APOOL: variants seen among roughly 807,000 people sequenced by gnomAD.
APOOL encodes MICOS complex subunit MIC27.
APOOL carries 12 observed loss-of-function variants against 23.1 expected under a neutral mutation model. The ratio of observed to expected loss-of-function variants is 0.52; its 90% CI spans 0.33 to 0.84. APOOL has a LOEUF of 0.84. Ranked by LOEUF, APOOL falls within the 40% of genes least tolerant of loss-of-function variation. The probability of loss-of-function intolerance (pLI) is 0.02; values close to 1 mark genes in which losing one functional copy is unlikely to be tolerated. For missense variants in APOOL, 212 were observed against 199.6 expected (o/e 1.06, Z -0.37); for synonymous variants, 77 against 69.9 (o/e 1.10, Z -0.51).
At chrX:85,079,555 T>C (rs1437181847) in intron 8 of APOOL, among the ~76,000 whole-genome samples, 1 of 111,642 alleles carries the variant, frequency 9.0e-6, no homozygotes, top group Non-Finnish European at 1.9e-5. Flanking sequence ...AATTCTCTTT[T>C]TTTGTTGTGT....
intron 3 of APOOL, among the ~76,000 whole-genome samples, 164 bp downstream of exon 3, chrX:85,051,672 C>T (rs777269038): frequency 5.3e-5 from 6 of 112,210 alleles, no homozygotes; most frequent in Admixed American, 9.5e-5. Flanking sequence ...TGAGTTCAGA[C>T]AGGTGATTTG....
At chrX:85,069,313 T>C (rs776431602) in intron 6 of APOOL, among the ~76,000 whole-genome samples, 1 of 111,194 alleles carries the variant, frequency 9.0e-6, no homozygotes, top group South Asian at 3.8e-4. Flanking sequence ...GACCAGTAGT[T>C]AACAATTAAT....
chrX:85,051,748 A>G (rs1208965089), intron 3 of APOOL, among the ~76,000 whole-genome samples: 2 of 111,999 alleles, frequency 1.8e-5, no homozygotes, highest in African/African-American at 3.2e-5. Flanking sequence ...GCTGATCTAG[A>G]CAGTCCAAGA....
chrX:85,043,090 G>A lies in APOOL; in HGVS notation c.16-3356G>A, dbSNP rs777440642. 1.2e-4 allele frequency among the ~76,000 whole-genome samples: 13 copies of A among 111,223 alleles called. No individual in the cohort carries two copies. The East Asian group carries it at 3.7e-3, about 31-fold the overall frequency. Reference sequence around the variant, plus strand: ...GAGTCTTACGGGTAAGTTACCTCATGCTCATATTTTAGCCCTGCTGTTTGT... The same window carrying A: ...GAGTCTTACGGGTAAGTTACCTCATACTCATATTTTAGCCCTGCTGTTTGT... On this transcript the variant is annotated intron_variant, in intron 1 of 8. Transcript: ENST00000373173.
intron 1 of APOOL, among the ~76,000 whole-genome samples, chrX:85,034,873 C>G (rs1331667296): frequency 3.6e-5 from 4 of 111,613 alleles, no homozygotes; most frequent in Non-Finnish European, 7.5e-5. Context: ...TGATGGGCAC[C>G]TAGGTTTATT....
In APOOL at chrX:85,055,907, T is replaced by C; in HGVS notation, c.376T>C (p.Leu126=). Residue 126 remains leucine (L), a synonymous_variant, in exon 5 of 9, where the codon TTG becomes CTG. Transcript: ENST00000373173. ...GVITVSGLAG[L]VSARKGSKFK... ...TATTACAGTTTCAGGATTGGCGGGC[T>C]TGGTTTCAGCGAGAAAAGGTAGGGT... 8.4e-7 allele frequency: 1 copy of C among 1,196,419 alleles called. No individual in the cohort carries two copies. The highest frequency in any genetic ancestry group is 1.7e-5 in the African/African-American group (1 of 57,263).
chrX:85,074,125 G>A lies in APOOL; in HGVS notation c.600+14G>A. On this transcript the variant is annotated intron_variant, in intron 7 of 8. Transcript: ENST00000373173. ...GAAAAAACTAAGGTAGAGTTTACAT[G>A]GAGCAAGACGGTCAACATTGAGTTT... The A allele has an allele frequency of 1.7e-6, 2 of 1,148,715 alleles. No individual in the cohort carries two copies. The highest frequency in any genetic ancestry group is 2.3e-6 in the Non-Finnish European group (2 of 858,512). 94.7% of individuals were successfully genotyped at this position (1,148,715 alleles called of 1,213,427 possible). A position where few individuals can be genotyped will look rare whatever the true frequency, so the allele number is the denominator to read the frequency against.
At chrX:85,045,927 T>C (rs1922557412) in intron 1 of APOOL, among the ~76,000 whole-genome samples, 2 of 111,781 alleles carry the variant, frequency 1.8e-5, no homozygotes, top group Non-Finnish European at 3.8e-5. Context: ...TATCCTTTAC[T>C]TTCTCCAGAG....
At chrX:85,068,443 T>C (rs1392663086) in intron 6 of APOOL, among the ~76,000 whole-genome samples, 1 of 103,269 alleles carries the variant, frequency 9.7e-6, no homozygotes, top group East Asian at 3.0e-4. Flanking sequence ...TCTTTCTCTG[T>C]CACCCAGGCT....
intron 8 of APOOL, among the ~76,000 whole-genome samples, chrX:85,083,890 TG>T (rs1436037096): frequency 9.0e-6 from 1 of 111,541 alleles, no homozygotes; most frequent in Admixed American, 9.6e-5. Flanking sequence ...CTTTCCTATT[TG>T]TAATAACACC....
chrX:85,004,853 G>T (rs2042794353), intron 1 of APOOL, among the ~76,000 whole-genome samples: 1 of 111,165 alleles, frequency 9.0e-6, no homozygotes, highest in African/African-American at 3.3e-5. Context: ...CCCCTCTGGG[G>T]TCAGGCCATA....
intron 1 of APOOL, among the ~76,000 whole-genome samples, chrX:85,038,524 G>GTTTTTTTTTTTTTTTT (rs56248244): frequency 1.6e-4 from 7 of 43,443 alleles, no homozygotes; most frequent in African/African-American, 6.4e-4. Context: ...TCTGGTACAA[G>GTTTTTTTTTTTTTTTT]TTTTTTTTTT....
At chrX:85,068,556 C>G (rs887517668) in intron 6 of APOOL, among the ~76,000 whole-genome samples, 1 of 108,700 alleles carries the variant, frequency 9.2e-6, no homozygotes, top group Non-Finnish European at 1.9e-5. Flanking sequence ...CAGGCTCCCA[C>G]CACCACGTCC....
intron 5 of APOOL, among the ~76,000 whole-genome samples, chrX:85,065,249 C>T (rs1202614754): frequency 1.8e-5 from 2 of 111,376 alleles, no homozygotes; most frequent in Non-Finnish European, 3.8e-5. Flanking sequence ...TCCTCCATCC[C>T]TTTATTTTGA....
chrX:85,068,556 C>T (rs887517668), intron 6 of APOOL, among the ~76,000 whole-genome samples: 2 of 108,700 alleles, frequency 1.8e-5, no homozygotes, highest in Non-Finnish European at 1.9e-5. Context: ...CAGGCTCCCA[C>T]CACCACGTCC....
intron 5 of APOOL, among the ~76,000 whole-genome samples, chrX:85,066,576 A>T (rs949532748): frequency 8.1e-5 from 9 of 111,642 alleles, no homozygotes; most frequent in Non-Finnish European, 1.5e-4. Context: ...GATATGCATT[A>T]CTTATGTCAG....
At chrX:85,009,864 C>A (rs1682696528) in intron 1 of APOOL, among the ~76,000 whole-genome samples, 1 of 111,219 alleles carries the variant, frequency 9.0e-6, no homozygotes, top group Non-Finnish European at 1.9e-5. Flanking sequence ...AAGTTCTCAT[C>A]ATTTAGCTCC....
intron 5 of APOOL, among the ~76,000 whole-genome samples, chrX:85,057,726 T>A (rs1203505899): frequency 9.2e-6 from 1 of 108,704 alleles, no homozygotes; most frequent in East Asian, 2.9e-4. Context: ...ATATTAATGC[T>A]TCCCTATATC....
chrX:85,064,852 G>GT (rs1443562831), intron 5 of APOOL, among the ~76,000 whole-genome samples: 6 of 110,534 alleles, frequency 5.4e-5, no homozygotes, highest in Non-Finnish European at 1.1e-4. Flanking sequence ...GTATATTCTG[G>GT]TTTTTTTTGG....
Sources: gnomAD v4.1 joint callset for allele counts (sites outside exome capture counted in the v4.1 genomes callset) on GRCh38, gnomAD v4.1.1 for gene constraint, MANE v1.5 for transcripts, NCBI Gene and HGNC (gene_info 2026-07-23, HGNC 2026-07-21) for gene names.